The following RPP14 variants were observed in gnomAD, a reference collection of about 807,000 sequenced individuals.
The protein encoded by RPP14 is ribonuclease P protein subunit p14.
In RPP14, 19 loss-of-function variants were observed where a neutral mutation model predicts 17.8. The observed-to-expected ratio is 1.07, with a 90% CI of 0.74 to 1.57. RPP14 has a LOEUF of 1.57. RPP14 is among the 40% of genes most tolerant of loss of function. RPP14 has a pLI of 0.00. For synonymous variants in RPP14, 60 were observed against 56.4 expected (o/e 1.06, Z -0.29); for missense variants, 125 against 140.8 (o/e 0.89, Z 0.57).
At chr3:58,311,496 A>G (rs2097482202) in intron 3 of RPP14, among the ~76,000 whole-genome samples, 1 of 152,192 alleles carries the variant, frequency 6.6e-6, no homozygotes, top group Non-Finnish European at 1.5e-5. Context: ...AGAACATGCA[A>G]CAGTTGTCTT....
chr3:58,319,632 T>TAAAA lies in RPP14; in HGVS notation c.*2146_*2149dup, dbSNP rs59047521. Reference sequence around the variant, plus strand: ...TATTATGAGTAATACATGCTTATAGTAAAAAAAAAAAAATTGTAAGAAATA... The same window carrying TAAAA: ...TATTATGAGTAATACATGCTTATAGTAAAAAAAAAAAAAAAAATTGTAAGAAATA... On this transcript the variant is annotated 3_prime_UTR_variant, in exon 6 of 6. Coordinates refer to ENST00000295959, the MANE Select transcript of RPP14 (RefSeq NM_007042.6). The TAAAA allele has an allele frequency of 2.5e-4, 38 of 149,308 alleles. No homozygotes were observed. Among genetic ancestry groups the TAAAA allele is most frequent in the African/African-American group, 9.3e-4 (38 of 40,698 alleles). 9.2% of individuals were successfully genotyped at this position (149,308 alleles called of 1,614,324 possible).
rs137919397 is a variant in RPP14, at chr3:58,307,318, G to C, written c.-22+901G>C. Among the ~76,000 whole-genome samples the C allele has an allele frequency of 1.1e-4, 16 of 152,372 alleles. No homozygotes were observed. In the East Asian group the frequency reaches 3.1e-3, roughly 29 times the overall value. The stretch of plus-strand genomic sequence containing the variant: ...GCAGAGGAATGATGTAGCTTGAGTA[G>C]ATGTTAATAGACTCACTGGCCGCCG... On this transcript the variant is annotated intron_variant, in intron 1 of 5. Coordinates refer to ENST00000295959, the MANE Select transcript of RPP14 (RefSeq NM_007042.6).
chr3:58,311,273 GC>G lies in RPP14; in HGVS notation c.162+688del, dbSNP rs746667311. On this transcript the variant is annotated intron_variant, in intron 3 of 5. Transcript: ENST00000295959. The stretch of plus-strand genomic sequence containing the variant: ...AGATTCAAGGGATCTTCCTGCCTTA[GC>G]CCCCCTGGTAGCTGAGATTACAGGC... Among the ~76,000 whole-genome samples, 3 of 152,140 alleles carry G rather than the reference GC, an allele frequency of 2.0e-5. No individual in the cohort carries two copies. In the South Asian group the frequency reaches 6.2e-4, roughly 32 times the overall value.
Position 58,310,823 on chromosome 3 carries a change from G to A in RPP14, c.162+232G>A, listed in dbSNP as rs547888820. ...CAGGCACCTGTAATCCCAGCTACTC[G>A]GGAGGCTGAGGCAGGATAATTGCTT... On this transcript the variant is annotated intron_variant, in intron 3 of 5. Coordinates refer to ENST00000295959, the MANE Select transcript of RPP14 (RefSeq NM_007042.6). Among the ~76,000 whole-genome samples the A allele has an allele frequency of 9.2e-5, 14 of 151,686 alleles. No individual in the cohort carries two copies. In the East Asian group the frequency reaches 1.8e-3, roughly 19 times the overall value.
chr3:58,310,222 A>AC, intron 1 of RPP14, 87 bp from the exon 2 acceptor site: 2 of 1,067,408 alleles, frequency 1.9e-6, no homozygotes, highest in African/African-American at 1.6e-5. Context: ...AAACAAACAA[A>AC]AAAAACCCAA....
intron 1 of RPP14, among the ~76,000 whole-genome samples, chr3:58,309,050 T>C (rs2097479007): frequency 1.3e-5 from 2 of 152,192 alleles, no homozygotes; most frequent in Admixed American, 6.5e-5. Context: ...CCCTGTGCTG[T>C]TTAAGCTCAG....
In RPP14 at chr3:58,319,113, A is replaced by G. The variant is rs1361384269; in HGVS notation, c.*1617A>G. 1 of 152,240 alleles carries G rather than the reference A, an allele frequency of 6.6e-6. No homozygotes were observed. The allele number at this position is 152,240 out of a possible 1,614,324, so 9.4% of individuals were successfully genotyped here. ...TGTCACTGTATTTTAACTGTGTAAC[A>G]ATTATTGAAGGCGAAAATAGAAGTT... On this transcript the variant is annotated 3_prime_UTR_variant, in exon 6 of 6. Transcript: ENST00000295959.
At chr3:58,315,738 AC>A (rs1292677452) in intron 3 of RPP14, 2 of 152,352 alleles carry the variant, frequency 1.3e-5, no homozygotes, top group African/African-American at 4.8e-5. Context: ...GTGCAATGGC[AC>A]GATCTTGGCT....
chr3:58,306,463 T>G (rs1051715114), intron 1 of RPP14, 46 bp downstream of exon 1: 1 of 152,380 alleles, frequency 6.6e-6, no homozygotes, highest in East Asian at 1.9e-4. Context: ...GGGAGCCGTC[T>G]CAGTTGGCCG....
At chr3:58,308,762 G>C (rs1468864924) in intron 1 of RPP14, among the ~76,000 whole-genome samples, 1 of 151,562 alleles carries the variant, frequency 6.6e-6, no homozygotes, top group African/African-American at 2.4e-5. Flanking sequence ...GTTCCCTGTA[G>C]TGGGGGATCC....
At position 58,316,548 on chromosome 3, in the gene RPP14, T is replaced by C; in HGVS notation, c.196T>C (p.Tyr66His). 1 of 1,614,098 alleles carries C rather than the reference T, an allele frequency of 6.2e-7. No homozygotes were observed. The highest frequency in any genetic ancestry group is 8.5e-7 in the Non-Finnish European group (1 of 1,179,978). The change falls in exon 4 of 6, where the codon TAT becomes CAT. Residue 66 changes from tyrosine to histidine, a missense_variant. By Grantham distance (83) the Tyr-to-His change is moderately conservative. Transcript: ENST00000295959. ...DAALPLDILT[Y>H]EEKTLSAILR... ...CGCCTTACCTTTGGACATCCTAACC[T>C]ATGAAGAGAAGACCTTGTCAGCCAT...
rs117117439 is a variant in RPP14, at chr3:58,307,279, T to C, written c.-22+862T>C. ...CTTACTCTGGATAAAACGGGAACCATAGCAAGATTTTGAGCAGAGGAATGA... is the reference window on the plus strand; with the variant it reads ...CTTACTCTGGATAAAACGGGAACCACAGCAAGATTTTGAGCAGAGGAATGA... On this transcript the variant is annotated intron_variant, in intron 1 of 5. Coordinates refer to ENST00000295959, the MANE Select transcript of RPP14 (RefSeq NM_007042.6). Among the ~76,000 whole-genome samples the C allele has an allele frequency of 2.8e-4, 42 of 152,254 alleles. No individual in the cohort carries two copies. In the East Asian group the frequency reaches 6.2e-3, roughly 22 times the overall value.
chr3:58,314,332 C>CAG (rs1281660371), intron 3 of RPP14, among the ~76,000 whole-genome samples: 1 of 152,070 alleles, frequency 6.6e-6, no homozygotes, highest in Non-Finnish European at 1.5e-5. Flanking sequence ...GCCAGGGTGA[C>CAG]AGAGAGAGAC....
intron 1 of RPP14, among the ~76,000 whole-genome samples, chr3:58,308,189 C>T (rs1403836561): frequency 6.6e-6 from 1 of 152,172 alleles, no homozygotes; most frequent in Admixed American, 6.5e-5. Flanking sequence ...TTTCCGCTGT[C>T]CTGAAACCAA....
chr3:58,318,553 T>G lies in RPP14; in HGVS notation c.*1057T>G, dbSNP rs1000990659. Reference sequence around the variant, plus strand: ...TGTGCTTGGTGACTTGGCCCTGTAGTCCCAGTTGCTTGGGAGGCTGAGGTG... The same window carrying G: ...TGTGCTTGGTGACTTGGCCCTGTAGGCCCAGTTGCTTGGGAGGCTGAGGTG... On this transcript the variant is annotated 3_prime_UTR_variant, in exon 6 of 6. Transcript: ENST00000295959. 6.7e-6 allele frequency: 1 copy of G among 149,016 alleles called. No individual in the cohort carries two copies. Among genetic ancestry groups the G allele is most frequent in the Non-Finnish European group, 1.4e-5 (1 of 69,034 alleles). 9.2% of individuals were successfully genotyped at this position (149,016 alleles called of 1,614,324 possible). A position where few individuals can be genotyped will look rare whatever the true frequency, so the allele number is the denominator to read the frequency against.
rs1559792912 is a variant in RPP14 at position 58,310,360 on chromosome 3, G to A, written c.31G>A (p.Val11Ile). 1.2e-6 allele frequency: 2 copies of A among 1,614,146 alleles called. No homozygotes were observed. Among genetic ancestry groups the A allele is most frequent in the Non-Finnish European group, 1.7e-6 (2 of 1,180,028 alleles). Residue 11 changes from valine (V) to isoleucine (I), a missense_variant, in exon 2 of 6, where the codon GTA becomes ATA. By Grantham distance (29) the Val-to-Ile change is conservative (BLOSUM62 3). Coordinates refer to ENST00000295959, the MANE Select transcript of RPP14 (RefSeq NM_007042.6). ...TGCCCCTGCTGCCACATATGAAAGA[G>A]TAGTTTACAAAAACCCTTCCGAGTA... MPAPAATYER[V>I]VYKNPSEYHY...
intron 4 of RPP14, 60 bp downstream of exon 4, chr3:58,316,651 A>G: frequency 2.8e-6 from 4 of 1,427,876 alleles, no homozygotes; most frequent in Non-Finnish European, 3.9e-6. Flanking sequence ...TGGAGCAAAA[A>G]TGCTCTCTTC....
chr3:58,313,594 G>A (rs768333578), intron 3 of RPP14, among the ~76,000 whole-genome samples: 26 of 151,870 alleles, frequency 1.7e-4, no homozygotes, highest in South Asian at 4.2e-4. Flanking sequence ...GAGGCCAAGC[G>A]GGTGGATCAC....
At chr3:58,311,136 TTTGTTG>T (rs144147590) in intron 3 of RPP14, among the ~76,000 whole-genome samples, 13 of 150,206 alleles carry the variant, frequency 8.7e-5, no homozygotes, top group South Asian at 2.1e-4. Context: ...AAATCTACTT[TTTGTTG>T]TTGTTGTTGT....
Sources: gnomAD v4.1 joint callset for allele counts (sites outside exome capture counted in the v4.1 genomes callset) on GRCh38, gnomAD v4.1.1 for gene constraint, MANE v1.5 for transcripts, NCBI Gene and HGNC (gene_info 2026-07-23, HGNC 2026-07-21) for gene names.